SPMAP2L: variants seen among roughly 807,000 people sequenced by gnomAD.
The protein encoded by SPMAP2L is sperm microtubule associated protein 2-like.
the SPMAP2L span, among the ~76,000 whole-genome samples, chr4:56,601,987 C>G: frequency 6.6e-6 from 1 of 152,012 alleles, no homozygotes; most frequent in Non-Finnish European, 1.5e-5. Flanking sequence ...ACAATGGTTG[C>G]CTTTGGGGGC....
At chr4:56,577,046 T>C in the SPMAP2L span, among the ~76,000 whole-genome samples, 1 of 150,608 alleles carries the variant, frequency 6.6e-6, no homozygotes, top group African/African-American at 2.5e-5. Flanking sequence ...TGTTTAAGTA[T>C]AAAGCCAAGA....
At chr4:56,586,691 G>T in the SPMAP2L span, among the ~76,000 whole-genome samples, 1 of 152,214 alleles carries the variant, frequency 6.6e-6, no homozygotes, top group African/African-American at 2.4e-5. Context: ...GCTGTTCTGA[G>T]AAGGAATATA....
chr4:56,608,008 A>T, the SPMAP2L span, among the ~76,000 whole-genome samples: 1 of 151,586 alleles, frequency 6.6e-6, no homozygotes, highest in Non-Finnish European at 1.5e-5. Flanking sequence ...AAAAAAAAAA[A>T]AAAAAGAAAG....
At chr4:56,533,813 A>C in the SPMAP2L span, among the ~76,000 whole-genome samples, 3 of 151,748 alleles carry the variant, frequency 2.0e-5, no homozygotes, top group East Asian at 5.8e-4. Flanking sequence ...TTAACCACGC[A>C]TGGTGGCACA....
At chr4:56,554,452 AT>A in the SPMAP2L span, among the ~76,000 whole-genome samples, 1 of 152,116 alleles carries the variant, frequency 6.6e-6, no homozygotes, top group Admixed American at 6.6e-5. Context: ...ATATTTGCTT[AT>A]TTGTATATCT....
chr4:56,568,829 C>G, the SPMAP2L span, among the ~76,000 whole-genome samples: 1 of 152,204 alleles, frequency 6.6e-6, no homozygotes. Context: ...TCAACTTCTC[C>G]AAGCCCTAAG....
the SPMAP2L span, among the ~76,000 whole-genome samples, chr4:56,575,261 A>G: frequency 4.1e-5 from 6 of 148,144 alleles, no homozygotes; most frequent in Non-Finnish European, 9.0e-5. Context: ...AAAAAAAAAG[A>G]AAAAAAAGAA....
chr4:56,579,134 T>G, the SPMAP2L span, among the ~76,000 whole-genome samples: 1 of 151,978 alleles, frequency 6.6e-6, no homozygotes, highest in African/African-American at 2.4e-5. Context: ...CTATGAAACC[T>G]CTACTCAAAA....
the SPMAP2L span, among the ~76,000 whole-genome samples, chr4:56,599,484 C>T: frequency 6.6e-6 from 1 of 152,102 alleles, no homozygotes; most frequent in African/African-American, 2.4e-5. Flanking sequence ...CTGCACCTAT[C>T]AACCTGTCAC....
chr4:56,555,386 G>A, the SPMAP2L span, among the ~76,000 whole-genome samples: 1 of 152,134 alleles, frequency 6.6e-6, no homozygotes, highest in Non-Finnish European at 1.5e-5. Flanking sequence ...TGTAAGTCTT[G>A]AAGTAAGGTA....
chr4:56,575,259 A>AT, the SPMAP2L span, among the ~76,000 whole-genome samples: 4 of 151,750 alleles, frequency 2.6e-5, no homozygotes. Flanking sequence ...AAAAAAAAAA[A>AT]GAAAAAAAAG....
At chr4:56,574,083 G>T in the SPMAP2L span, among the ~76,000 whole-genome samples, 1 of 152,162 alleles carries the variant, frequency 6.6e-6, no homozygotes, top group Non-Finnish European at 1.5e-5. Flanking sequence ...TTCCACTGAT[G>T]ATGTATTTTG....
chr4:56,555,718 T>G, the SPMAP2L span, among the ~76,000 whole-genome samples: 1 of 151,986 alleles, frequency 6.6e-6, no homozygotes, highest in African/African-American at 2.4e-5. Flanking sequence ...TTTGCAATGC[T>G]AATGTAAATA....
chr4:56,594,197 A>C, the SPMAP2L span: 1 of 1,612,992 alleles, frequency 6.2e-7, no homozygotes, highest in Non-Finnish European at 8.5e-7. Flanking sequence ...GTCTGTGTTC[A>C]AGAGGACCAG....
the SPMAP2L span, among the ~76,000 whole-genome samples, chr4:56,534,781 T>A: frequency 1.3e-5 from 2 of 151,814 alleles, no homozygotes; most frequent in South Asian, 4.2e-4. Flanking sequence ...ACAAAAAAAA[T>A]AGCTAGGCGT....
At chr4:56,593,725 T>C in the SPMAP2L span, 1 of 1,575,780 alleles carries the variant, frequency 6.3e-7, no homozygotes, top group Non-Finnish European at 8.7e-7. Flanking sequence ...GAGACGCCAC[T>C]GGGAAAGAAG....
the SPMAP2L span, chr4:56,601,134 G>A: frequency 6.6e-7 from 1 of 1,523,976 alleles, no homozygotes; most frequent in Non-Finnish European, 8.8e-7. Context: ...GGCTAAAGTG[G>A]GACAGGAAAG....
chr4:56,624,672 T>C, the SPMAP2L span, among the ~76,000 whole-genome samples: 1 of 152,208 alleles, frequency 6.6e-6, no homozygotes, highest in East Asian at 1.9e-4. Flanking sequence ...GGTGGAAGCT[T>C]CAAGCCTTGG....
At chr4:56,566,380 G>A in the SPMAP2L span, among the ~76,000 whole-genome samples, 4 of 152,088 alleles carry the variant, frequency 2.6e-5, no homozygotes, top group East Asian at 7.8e-4. Flanking sequence ...TGTATTTTTA[G>A]TAGAAACAGG....
Sources: gnomAD v4.1 joint callset for allele counts (sites outside exome capture counted in the v4.1 genomes callset) on GRCh38, gnomAD v4.1.1 for gene constraint, MANE v1.5 for transcripts, NCBI Gene and HGNC (gene_info 2026-07-23, HGNC 2026-07-21) for gene names.